Variants in VWF observed in about 807,000 individuals in gnomAD.
VWF encodes Factor VIII related antigen.
Under a neutral mutation model 308.6 loss-of-function variants are expected in VWF, and 176 were observed. The observed-to-expected ratio is 0.57, with a 90% CI of 0.50 to 0.65. VWF has a LOEUF of 0.65. Among genes scored for constraint, VWF ranks in the 30% least tolerant of loss-of-function variants. The probability of loss-of-function intolerance (pLI) is 0.00; values close to 1 mark genes in which losing one functional copy is unlikely to be tolerated. For synonymous variants in VWF, 1,385 were observed against 1,443.4 expected (o/e 0.96, Z 0.92); for missense variants, 3,146 against 3,648.2 (o/e 0.86, Z 3.55).
At chr12:6,106,078 A>T (rs1945240429) in intron 5 of VWF, among the ~76,000 whole-genome samples, 2 of 152,156 alleles carry the variant, frequency 1.3e-5, no homozygotes, top group Non-Finnish European at 2.9e-5. Flanking sequence ...AGGGTTTTAA[A>T]GAGTTATTTG....
At chr12:6,088,306 G>A (rs543760252) in intron 6 of VWF, among the ~76,000 whole-genome samples, 48 of 151,960 alleles carry the variant, frequency 3.2e-4, no homozygotes, top group African/African-American at 9.2e-4. Flanking sequence ...GTGAAAACCC[G>A]TCTCTACTAA....
In VWF at chr12:6,012,987, C is replaced by G. The variant is rs150248761; in HGVS notation, c.5620+494G>C. 4.0e-3 allele frequency among the ~76,000 whole-genome samples: 612 copies of G among 152,242 alleles called. 6 individuals carry two copies. The highest frequency in any genetic ancestry group is 0.014 in the African/African-American group (589 of 41,528). ...AAGTGCTGGGATTACAGACGTGAGCCACTGCACCTGGCCAAAAGCATATTT... is the reference window on the plus strand; with the variant it reads ...AAGTGCTGGGATTACAGACGTGAGCGACTGCACCTGGCCAAAAGCATATTT... On this transcript the variant is annotated intron_variant, in intron 32 of 51. Coordinates refer to ENST00000261405, the MANE Select transcript of VWF (RefSeq NM_000552.5).
rs773175619 is a variant in VWF at position 6,065,293 on chromosome 12, G to A, written c.1157-20C>T. On this transcript the variant is annotated intron_variant, in intron 10 of 51. Transcript: ENST00000261405. The stretch of plus-strand genomic sequence containing the variant: ...ACTCCCCTGGAGAGACACAGAGGAA[G>A]GGAGAAGAATGGGAGGTGAGGGCAC... 1 of 1,613,940 alleles carries A rather than the reference G, an allele frequency of 6.2e-7. No homozygotes were observed. Among genetic ancestry groups the A allele is most frequent in the East Asian group, 2.2e-5 (1 of 44,868 alleles).
chr12:6,013,787 A>T (rs1385789537), intron 31 of VWF, 142 bp from the exon 32 acceptor site: 3 of 935,496 alleles, frequency 3.2e-6, no homozygotes, highest in Non-Finnish European at 5.0e-6. Flanking sequence ...GAAGATGTTC[A>T]GTCAACAGAT....
At chr12:6,043,094 T>C (rs1452020687) in intron 18 of VWF, among the ~76,000 whole-genome samples, 1 of 152,076 alleles carries the variant, frequency 6.6e-6, no homozygotes, top group Non-Finnish European at 1.5e-5. Flanking sequence ...AAACAACCCT[T>C]CCAGTTCAAA....
At chr12:6,027,925 G>A (rs142028409) in intron 22 of VWF, among the ~76,000 whole-genome samples, 35 of 151,712 alleles carry the variant, frequency 2.3e-4, no homozygotes, top group African/African-American at 6.3e-4. Context: ...TATCCACAGC[G>A]CCTAGGACCA....
In VWF at chr12:5,967,543, C is replaced by G. The variant is rs538980670; in HGVS notation, c.7830G>C (p.Gly2610=). 4.3e-6 allele frequency: 7 copies of G among 1,614,076 alleles called. No homozygotes were observed. In the South Asian group the frequency reaches 7.7e-5, roughly 18 times the overall value. Residue 2610 remains glycine (G), a synonymous_variant, in exon 47 of 52, where the codon GGG becomes GGC. Transcript: ENST00000261405. ...CTTCRCMVQV[G]VISGFKLECR... ...ACTCCAGCTTGAATCCAGAGATGACCCCCACCTGCACCATGCAGCGGCAGG... is the reference window on the plus strand; with the variant it reads ...ACTCCAGCTTGAATCCAGAGATGACGCCCACCTGCACCATGCAGCGGCAGG...
At chr12:6,078,225 T>C (rs1944867554) in intron 6 of VWF, among the ~76,000 whole-genome samples, 1 of 152,202 alleles carries the variant, frequency 6.6e-6, no homozygotes, top group Non-Finnish European at 1.5e-5. Context: ...TATCACTTCC[T>C]AGTATCTTGC....
At chr12:6,016,042 C>G in intron 31 of VWF, 47 bp downstream of exon 31, 1 of 1,613,188 alleles carries the variant, frequency 6.2e-7, no homozygotes, top group Non-Finnish European at 8.5e-7. Context: ...TCTATCATTT[C>G]TGAAGTCTCG....
intron 34 of VWF, among the ~76,000 whole-genome samples, chr12:6,010,077 A>G (rs1337795920): frequency 6.6e-6 from 1 of 152,192 alleles, no homozygotes; most frequent in African/African-American, 2.4e-5. Context: ...ATAGCTAACA[A>G]TATGGTATTG....
chr12:6,064,125 C>T (rs1944685727), intron 12 of VWF, 121 bp downstream of exon 12: 5 of 1,522,536 alleles, frequency 3.3e-6, no homozygotes, highest in African/African-American at 1.4e-5. Flanking sequence ...AAATAACTCT[C>T]CATCACATTC....
At chr12:6,016,957 G>C (rs1944068892) in intron 28 of VWF, 87 bp from the exon 29 acceptor site, 15 of 1,431,588 alleles carry the variant, frequency 1.0e-5, no homozygotes, top group Non-Finnish European at 1.5e-5. Context: ...AATAGGATCT[G>C]CAGGGCGTGC....
intron 15 of VWF, 91 bp from the exon 16 acceptor site, chr12:6,052,874 C>T (rs762530605): frequency 1.3e-5 from 20 of 1,488,074 alleles, no homozygotes; most frequent in Non-Finnish European, 1.7e-5. Context: ...TAGCTGTGAC[C>T]CCCAATTATT....
intron 10 of VWF, among the ~76,000 whole-genome samples, chr12:6,066,131 C>T (rs1001049116): frequency 2.0e-5 from 3 of 152,194 alleles, no homozygotes; most frequent in African/African-American, 7.2e-5. Flanking sequence ...AATTCCCACA[C>T]CATCTCCCCC....
At chr12:6,021,185 G>C (rs538180546) in intron 27 of VWF, 1 of 152,530 alleles carries the variant, frequency 6.6e-6, no homozygotes, top group Admixed American at 6.5e-5. Flanking sequence ...TCTAGCAGCT[G>C]TGACCATAGC....
chr12:5,948,999 TGCAGCTGCA>T lies in VWF; in HGVS notation c.*7_*15del, dbSNP rs756407077. The T allele has an allele frequency of 6.8e-6, 11 of 1,608,280 alleles. No individual in the cohort carries two copies. The African/African-American group carries it at 1.3e-4, about 20-fold the overall frequency. ...CAAGGCAGGCAGCAGCAGGCACCCA[TGCAGCTGCA>T]GCAGCCTCACTTGCTGCACTTCCTG... On this transcript the variant is annotated 3_prime_UTR_variant, in exon 52 of 52. Coordinates refer to ENST00000261405, the MANE Select transcript of VWF (RefSeq NM_000552.5). This position sits in a 1 kb window ranked among gnomAD's most constrained non-coding sequence, Gnocchi z 4.4.
intron 5 of VWF, among the ~76,000 whole-genome samples, chr12:6,105,073 T>C (rs777383869): frequency 8.5e-5 from 13 of 152,126 alleles, no homozygotes; most frequent in Non-Finnish European, 1.8e-4. Context: ...AGTAGAATGA[T>C]AGATATTGGA....
At chr12:6,091,513 A>C (rs1387213058) in intron 6 of VWF, among the ~76,000 whole-genome samples, 2 of 152,188 alleles carry the variant, frequency 1.3e-5, no homozygotes, top group African/African-American at 2.4e-5. Context: ...TCTATAGCCC[A>C]ATCCACAGAA....
At chr12:6,062,869 C>A in intron 13 of VWF, 85 bp downstream of exon 13, 1 of 1,136,188 alleles carries the variant, frequency 8.8e-7, no homozygotes, top group Non-Finnish European at 1.3e-6. Flanking sequence ...CTTCTCCCAC[C>A]ACACAAAGCC....
Sources: gnomAD v4.1 joint callset for allele counts (sites outside exome capture counted in the v4.1 genomes callset) on GRCh38, gnomAD v4.1.1 for gene constraint, Gnocchi (gnomAD v3.1) non-coding constraint, MANE v1.5 for transcripts, NCBI Gene and HGNC (gene_info 2026-07-23, HGNC 2026-07-21) for gene names.